The following PTPRG variants were observed in gnomAD, a reference collection of about 807,000 sequenced individuals.
PTPRG encodes receptor-type tyrosine-protein phosphatase gamma.
A neutral mutation model predicts 165.3 loss-of-function variants in PTPRG; 102 were observed. That is an observed-to-expected ratio of 0.62 (90% CI 0.53 to 0.73). The LOEUF (loss-of-function observed/expected upper bound fraction) is 0.73, where lower values mean the gene tolerates loss of function less well. Among genes scored for constraint, PTPRG ranks in the 30% least tolerant of loss-of-function variants. The probability of loss-of-function intolerance (pLI) is 0.00; values close to 1 mark genes in which losing one functional copy is unlikely to be tolerated. For missense variants in PTPRG, 1,866 were observed against 1,861.4 expected (o/e 1.00, Z -0.05); for synonymous variants, 675 against 669.5 (o/e 1.01, Z -0.13).
chr3:61,930,824 C>A (rs2039341942), intron 2 of PTPRG, among the ~76,000 whole-genome samples: 1 of 152,170 alleles, frequency 6.6e-6, no homozygotes, highest in African/African-American at 2.4e-5. Flanking sequence ...CTTTGGGAGG[C>A]CGAGGCCGGT....
intron 1 of PTPRG, among the ~76,000 whole-genome samples, chr3:61,592,730 C>T (rs1020748011): frequency 6.6e-6 from 1 of 150,746 alleles, no homozygotes; most frequent in Non-Finnish European, 1.5e-5. Context: ...TGAAAATCAC[C>T]CTCCCACCTC....
At chr3:62,156,780 A>C (rs563057782) in intron 6 of PTPRG, among the ~76,000 whole-genome samples, 1 of 152,090 alleles carries the variant, frequency 6.6e-6, no homozygotes, top group Non-Finnish European at 1.5e-5. Flanking sequence ...TATTTTGTCT[A>C]TTTCCTGGGG....
At chr3:62,014,183 A>G (rs754475050) in intron 4 of PTPRG, among the ~76,000 whole-genome samples, 5 of 152,068 alleles carry the variant, frequency 3.3e-5, no homozygotes, top group African/African-American at 4.8e-5. Context: ...AAGAAAGTCT[A>G]TTTCCTCTCT....
intron 15 of PTPRG, among the ~76,000 whole-genome samples, chr3:62,251,641 A>T (rs115414901): frequency 6.6e-6 from 1 of 151,244 alleles, no homozygotes; most frequent in African/African-American, 2.4e-5. Context: ...CCATGTCTCA[A>T]AAAAAAAAAT....
At chr3:62,101,095 A>G (rs957776150) in intron 5 of PTPRG, among the ~76,000 whole-genome samples, 1 of 152,236 alleles carries the variant, frequency 6.6e-6, no homozygotes, top group Non-Finnish European at 1.5e-5. Flanking sequence ...CTTCAGCATA[A>G]TTGGAGGAGT....
chr3:61,714,387 G>A (rs1460361835), intron 1 of PTPRG, among the ~76,000 whole-genome samples: 3 of 152,182 alleles, frequency 2.0e-5, no homozygotes, highest in Non-Finnish European at 4.4e-5. Flanking sequence ...AGACGGTCAT[G>A]TCCTTAGTCT....
intron 5 of PTPRG, among the ~76,000 whole-genome samples, chr3:62,118,910 GTCT>G (rs1702959888): frequency 6.6e-6 from 1 of 152,198 alleles, no homozygotes; most frequent in African/African-American, 2.4e-5. Context: ...CCTGATTAAA[GTCT>G]TCTTTTAGCT....
At chr3:62,232,504 A>C (rs569627687) in intron 14 of PTPRG, among the ~76,000 whole-genome samples, 1 of 152,324 alleles carries the variant, frequency 6.6e-6, no homozygotes, top group Non-Finnish European at 1.5e-5. Context: ...TAAATGCTTA[A>C]CTGTCATACC....
chr3:61,771,134 C>CT (rs1283276207), intron 2 of PTPRG: 2 of 152,010 alleles, frequency 1.3e-5, no homozygotes, highest in East Asian at 3.8e-4. Context: ...AGATTTTTGC[C>CT]TTTTTTATGC....
chr3:61,703,965 T>G (rs2031115247), intron 1 of PTPRG, among the ~76,000 whole-genome samples: 1 of 152,194 alleles, frequency 6.6e-6, no homozygotes, highest in Admixed American at 6.5e-5. Context: ...ACACTTTAAA[T>G]AACTTATCTT....
At chr3:61,683,849 C>T (rs1408518655) in intron 1 of PTPRG, among the ~76,000 whole-genome samples, 1 of 152,196 alleles carries the variant, frequency 6.6e-6, no homozygotes, top group Admixed American at 6.5e-5. Flanking sequence ...AAGGAGACCT[C>T]CCATTCGAGT....
At chr3:61,835,484 C>G (rs919850248) in intron 2 of PTPRG, among the ~76,000 whole-genome samples, 1 of 152,020 alleles carries the variant, frequency 6.6e-6, no homozygotes, top group African/African-American at 2.4e-5. Context: ...CAGGCACACG[C>G]CACCACACCT....
At chr3:61,647,561 C>T (rs572642086) in intron 1 of PTPRG, among the ~76,000 whole-genome samples, 20 of 152,144 alleles carry the variant, frequency 1.3e-4, no homozygotes, top group East Asian at 3.9e-4. Flanking sequence ...GAGGCCGAGG[C>T]GGGCGGATCA....
chr3:62,041,889 C>T (rs1432690678), intron 4 of PTPRG, among the ~76,000 whole-genome samples: 1 of 152,116 alleles, frequency 6.6e-6, no homozygotes, highest in African/African-American at 2.4e-5. Flanking sequence ...CCATGTGACT[C>T]ACACAGTGCT....
At position 61,752,802 on chromosome 3, in the gene PTPRG, G is replaced by GAAAA. The variant is rs532651498; in HGVS notation, c.190+3828_190+3831dup. Among the ~76,000 whole-genome samples the GAAAA allele has an allele frequency of 3.7e-3, 386 of 103,438 alleles. 3 individuals carry two copies. Among genetic ancestry groups the GAAAA allele is most frequent in the African/African-American group, 5.8e-3 (152 of 26,336 alleles). 67.9% of individuals were successfully genotyped at this position (103,438 alleles called of 152,430 possible). Reference sequence around the variant, plus strand: ...GACTGTCTCAAAAAAAAAAAAAAAAGAAAAAAAAAAAGAAAATATTTGCCA... The same window carrying GAAAA: ...GACTGTCTCAAAAAAAAAAAAAAAAGAAAAAAAAAAAAAAAGAAAATATTTGCCA... On this transcript the variant is annotated intron_variant, in intron 2 of 29. Coordinates refer to ENST00000474889, the MANE Select transcript of PTPRG (RefSeq NM_002841.4).
At chr3:62,231,449 A>G in intron 14 of PTPRG, 138 bp downstream of exon 14, 1 of 532,618 alleles carries the variant, frequency 1.9e-6, no homozygotes. Flanking sequence ...CTGAATTCCC[A>G]AAAGTAAGAC....
At chr3:61,695,409 A>G (rs2030513248) in intron 1 of PTPRG, among the ~76,000 whole-genome samples, 1 of 152,208 alleles carries the variant, frequency 6.6e-6, no homozygotes, top group Non-Finnish European at 1.5e-5. Flanking sequence ...GAGCATTGAA[A>G]TGGGTGGACC....
intron 5 of PTPRG, among the ~76,000 whole-genome samples, chr3:62,121,189 G>A (rs1381372742): frequency 6.6e-6 from 1 of 150,560 alleles, no homozygotes; most frequent in Non-Finnish European, 1.5e-5. Context: ...TCCTGACCTC[G>A]TGATCCACCC....
chr3:61,565,189 T>C (rs1699880173), intron 1 of PTPRG, among the ~76,000 whole-genome samples: 1 of 152,196 alleles, frequency 6.6e-6, no homozygotes, highest in African/African-American at 2.4e-5. Flanking sequence ...ATGAGCTTTT[T>C]CCCAGTGGAT....
Sources: gnomAD v4.1 joint callset for allele counts (sites outside exome capture counted in the v4.1 genomes callset) on GRCh38, gnomAD v4.1.1 for gene constraint, MANE v1.5 for transcripts, NCBI Gene and HGNC (gene_info 2026-07-23, HGNC 2026-07-21) for gene names.